The following TRAP1 variants were observed in gnomAD, a reference collection of about 807,000 sequenced individuals.
The protein encoded by TRAP1 is heat shock protein 75 kDa, mitochondrial.
A neutral mutation model predicts 89.1 loss-of-function variants in TRAP1; 102 were observed. The ratio of observed to expected loss-of-function variants is 1.15; its 90% CI spans 0.98 to 1.35. The LOEUF (loss-of-function observed/expected upper bound fraction) is 1.35, where lower values mean the gene tolerates loss of function less well. Ranked by LOEUF, TRAP1 falls within the 40% of genes most tolerant of loss-of-function variation. The pLI is 0.00. For missense variants in TRAP1, 1,256 were observed against 945.3 expected, an observed-to-expected ratio of 1.33 and a Z score of -4.31; for synonymous variants, 508 against 388.0, an observed-to-expected ratio of 1.31 and a Z score of -3.64.
intron 1 of TRAP1, among the ~76,000 whole-genome samples, chr16:3,706,912 G>A (rs1023600148): frequency 6.6e-6 from 1 of 152,184 alleles, no homozygotes. Flanking sequence ...GGGGTCATAT[G>A]GTAATTCGGT....
intron 2 of TRAP1, among the ~76,000 whole-genome samples, chr16:3,689,972 C>T (rs1201721232): frequency 1.3e-5 from 2 of 152,110 alleles, no homozygotes; most frequent in Admixed American, 6.5e-5. Context: ...TGCATGGTTA[C>T]GAGAACTGGA....
intron 1 of TRAP1, chr16:3,704,415 C>G (rs1357139130): frequency 6.6e-6 from 1 of 152,184 alleles, no homozygotes; most frequent in Non-Finnish European, 1.5e-5. Flanking sequence ...TACAAAATTT[C>G]AAACACATTT....
chr16:3,671,494 G>C (rs1287722294), intron 11 of TRAP1, among the ~76,000 whole-genome samples: 2 of 151,608 alleles, frequency 1.3e-5, no homozygotes, highest in Admixed American at 1.3e-4. Context: ...CCCCTATCCA[G>C]ACTCCAGCCT....
rs1596696967 is a variant in TRAP1 at position 3,664,470 on chromosome 16, C to T, written c.1384-11G>A. The stretch of plus-strand genomic sequence containing the variant: ...CTTTGCTATGTCCTCCTAGAAGGGA[C>T]GGGGCAGGTCACCACTTATTCCAGG... On this transcript the variant is annotated splice_polypyrimidine_tract_variant and intron_variant, in intron 12 of 17. Coordinates refer to ENST00000246957, the MANE Select transcript of TRAP1 (RefSeq NM_016292.3). 1.4e-5 allele frequency: 23 copies of T among 1,602,408 alleles called. No individual in the cohort carries two copies. The highest frequency in any genetic ancestry group is 2.7e-5 in the African/African-American group (2 of 74,492).
At chr16:3,673,711 T>C (rs1342182412) in intron 9 of TRAP1, among the ~76,000 whole-genome samples, 2 of 151,686 alleles carry the variant, frequency 1.3e-5, no homozygotes, top group Non-Finnish European at 2.9e-5. Context: ...ATTAGGAGAG[T>C]TTCCAGGCAG....
At chr16:3,684,338 A>AT (rs1382078538) in intron 4 of TRAP1, among the ~76,000 whole-genome samples, 2 of 152,234 alleles carry the variant, frequency 1.3e-5, no homozygotes, top group Non-Finnish European at 2.9e-5. Context: ...TTAAGGCTGC[A>AT]TATTTTATTC....
At chr16:3,683,665 C>T (rs1024633289) in intron 4 of TRAP1, among the ~76,000 whole-genome samples, 38 of 151,400 alleles carry the variant, frequency 2.5e-4, no homozygotes, top group African/African-American at 8.7e-4. Flanking sequence ...GGATTACAAG[C>T]GTGAGCCACT....
At chr16:3,671,889 A>G in intron 10 of TRAP1, 98 bp from the exon 11 acceptor site, 2 of 1,288,440 alleles carry the variant, frequency 1.6e-6, no homozygotes, top group African/African-American at 1.5e-5. Context: ...CCTGGCCTTC[A>G]ACCCAGCACG....
intron 15 of TRAP1, chr16:3,662,454 G>C: frequency 1.9e-6 from 1 of 535,960 alleles, no homozygotes; most frequent in Non-Finnish European, 3.4e-6. Flanking sequence ...ACCATGCATG[G>C]GACGCTCATT....
At chr16:3,664,836 C>T (rs1045696512) in intron 12 of TRAP1, 7 of 205,234 alleles carry the variant, frequency 3.4e-5, no homozygotes, top group Admixed American at 6.2e-5. Flanking sequence ...GTGAAGTCCA[C>T]GGTTCCCGGC....
At chr16:3,672,229 G>A (rs1330110380) in intron 10 of TRAP1, among the ~76,000 whole-genome samples, 5 of 152,010 alleles carry the variant, frequency 3.3e-5, no homozygotes, top group East Asian at 1.9e-4. Flanking sequence ...CCAGCTACTC[G>A]GGAGGCTAAG....
chr16:3,710,808 G>A (rs2051518129), intron 1 of TRAP1, among the ~76,000 whole-genome samples: 1 of 150,408 alleles, frequency 6.6e-6, no homozygotes, highest in African/African-American at 2.5e-5. Flanking sequence ...CTCTTAATAT[G>A]GCATTTAATT....
intron 9 of TRAP1, among the ~76,000 whole-genome samples, chr16:3,673,513 G>A (rs1238975741): frequency 6.6e-6 from 1 of 152,186 alleles, no homozygotes; most frequent in Admixed American, 6.5e-5. Context: ...TAGTTCAAAT[G>A]TTGGGAGACC....
chr16:3,659,453 G>A (rs1389754788), intron 16 of TRAP1: 1 of 152,184 alleles, frequency 6.6e-6, no homozygotes, highest in Non-Finnish European at 1.5e-5. Context: ...CATCATCTCA[G>A]AAGGGGAAAG....
intron 6 of TRAP1, 101 bp downstream of exon 6, chr16:3,677,397 A>G (rs2051012764): frequency 4.0e-6 from 6 of 1,490,806 alleles, no homozygotes; most frequent in Non-Finnish European, 5.5e-6. Context: ...AAAGCCCAGA[A>G]AATGCCTGTG....
chr16:3,694,697 T>C (rs561285926), intron 1 of TRAP1, among the ~76,000 whole-genome samples: 2 of 152,260 alleles, frequency 1.3e-5, no homozygotes, highest in Non-Finnish European at 2.9e-5. Flanking sequence ...AGCCTGGTCT[T>C]GAACTCCTGG....
chr16:3,717,462 C>A lies in TRAP1; in HGVS notation c.47G>T (p.Arg16Leu), dbSNP rs1272859884. 2.3e-6 allele frequency: 3 copies of A among 1,300,324 alleles called. No individual in the cohort carries two copies. The highest frequency in any genetic ancestry group is 2.9e-6 in the Non-Finnish European group (3 of 1,031,126). The allele number at this position is 1,300,324 out of a possible 1,614,324, so 80.5% of individuals were successfully genotyped here. A position where few individuals can be genotyped will look rare whatever the true frequency, so the allele number is the denominator to read the frequency against. ...CAGCGCCGGCGCCCGCAGCAAAGGCCGCAGGCGGCGGCCCCACAGCAGCAG... is the reference window on the plus strand; with the variant it reads ...CAGCGCCGGCGCCCGCAGCAAAGGCAGCAGGCGGCGGCCCCACAGCAGCAG... The part of the protein sequence containing the change: ...RALLLWGRRL[R>L]PLLRAPALAA... The change falls in exon 1 of 18, where the codon CGG becomes CTG. Residue 16 changes from arginine (R) to leucine (L), a missense_variant. Physicochemically the swap from Arg to Leu is moderately radical, Grantham distance 102. Coordinates refer to ENST00000246957, the MANE Select transcript of TRAP1 (RefSeq NM_016292.3).
intron 1 of TRAP1, among the ~76,000 whole-genome samples, chr16:3,710,706 G>A (rs2051516713): frequency 6.6e-6 from 1 of 152,022 alleles, no homozygotes; most frequent in Non-Finnish European, 1.5e-5. Context: ...TCTCCTTCGA[G>A]GTGCATATCA....
intron 1 of TRAP1, among the ~76,000 whole-genome samples, chr16:3,708,189 C>T (rs980069682): frequency 6.6e-5 from 10 of 151,938 alleles, no homozygotes; most frequent in African/African-American, 2.4e-4. Context: ...CAAAGCAAGA[C>T]CCTGCCTCTA....
Sources: allele counts gnomAD v4.1 joint callset (sites outside exome capture counted in the v4.1 genomes callset), GRCh38; gene constraint gnomAD v4.1.1; transcripts MANE v1.5; gene names NCBI Gene and HGNC (gene_info 2026-07-23, HGNC 2026-07-21).